ZNF462: variants seen among roughly 807,000 people sequenced by gnomAD.
ZNF462 encodes the protein zinc finger PBX1-interacting protein.
A neutral mutation model predicts 201.9 loss-of-function variants in ZNF462; 10 were observed. That is an observed-to-expected ratio of 0.05 (90% CI 0.03 to 0.08). ZNF462 has a LOEUF of 0.08. Ranked by LOEUF, ZNF462 falls within the 10% of genes least tolerant of loss-of-function variation. ZNF462 has a pLI of 1.00. For synonymous variants in ZNF462, 1,227 were observed against 1,193.3 expected (o/e 1.03, Z -0.58); for missense variants, 2,523 against 3,168.3 (o/e 0.80, Z 4.89).
At chr9:106,934,708 A>G (rs1423227974) in intron 5 of ZNF462, among the ~76,000 whole-genome samples, 1 of 152,190 alleles carries the variant, frequency 6.6e-6, no homozygotes, top group South Asian at 2.1e-4. Flanking sequence ...AGGCATTTAG[A>G]AGGGAATTTA....
At chr9:106,944,234 G>T (rs1295919101) in intron 7 of ZNF462, among the ~76,000 whole-genome samples, 2 of 152,102 alleles carry the variant, frequency 1.3e-5, no homozygotes. Flanking sequence ...TACAGTGTTT[G>T]GTTGCAGTTA....
Position 106,890,776 on chromosome 9 carries a change from G to C in ZNF462, c.-31+27421G>C, listed in dbSNP as rs1238130893. 6.6e-6 allele frequency among the ~76,000 whole-genome samples: 1 copy of C among 152,170 alleles called. No homozygotes were observed. Among genetic ancestry groups the C allele is most frequent in the African/African-American group, 2.4e-5 (1 of 41,432 alleles). The stretch of plus-strand genomic sequence containing the variant: ...ACATGAAACAATATTGCATCGTAGG[G>C]AGTGCATAGTAGACTATGTTGTTCA... On this transcript the variant is annotated intron_variant, in intron 1 of 12. Coordinates refer to ENST00000277225, the MANE Select transcript of ZNF462 (RefSeq NM_021224.6). This position sits in a 1 kb window ranked among gnomAD's most constrained non-coding sequence, Gnocchi z 4.2.
At chr9:106,934,022 G>C (rs1830527414) in intron 5 of ZNF462, among the ~76,000 whole-genome samples, 2 of 151,996 alleles carry the variant, frequency 1.3e-5, no homozygotes. Context: ...TTAAATTGCT[G>C]GTAAAAGGAA....
intron 1 of ZNF462, among the ~76,000 whole-genome samples, chr9:106,893,132 A>C (rs916467969): frequency 6.6e-6 from 1 of 152,222 alleles, no homozygotes; most frequent in Non-Finnish European, 1.5e-5. Context: ...TTCAGTATAC[A>C]TTATATAAAT....
At chr9:106,997,156 A>G (rs1264895084) in intron 10 of ZNF462, among the ~76,000 whole-genome samples, 2 of 152,080 alleles carry the variant, frequency 1.3e-5, no homozygotes, top group Admixed American at 1.3e-4. Context: ...GAAATTGTAC[A>G]TATGTAAGGT....
Position 106,925,065 on chromosome 9 carries a change from G to T in ZNF462, c.1153G>T (p.Asp385Tyr). 1 of 1,614,190 alleles carries T rather than the reference G, an allele frequency of 6.2e-7. No individual in the cohort carries two copies. The highest frequency in any genetic ancestry group is 1.1e-5 in the South Asian group (1 of 91,072). Reference sequence around the variant, plus strand: ...CCTGGAAACTAACAGCATGCTAAATGACTCTAGTTCTGATGAAGAGTTAAA... The same window carrying T: ...CCTGGAAACTAACAGCATGCTAAATTACTCTAGTTCTGATGAAGAGTTAAA... Reference protein sequence around the residue: ...ADLETNSMLNDSSSDEELNEI... With the variant: ...ADLETNSMLNYSSSDEELNEI... The change falls in exon 3 of 13, where the codon GAC (aspartate) becomes TAC (tyrosine). Residue 385 changes from aspartate (D) to tyrosine (Y), a missense_variant. Physicochemically the swap from Asp to Tyr is radical, Grantham distance 160 (BLOSUM62 -3). Coordinates refer to ENST00000277225, the MANE Select transcript of ZNF462 (RefSeq NM_021224.6). The surrounding 1 kb of genome is among the most constrained non-coding windows in gnomAD (Gnocchi z 7.9).
chr9:106,928,834 A>C lies in ZNF462; in HGVS notation c.4922A>C (p.Glu1641Ala), dbSNP rs754392954. Residue 1641 changes from glutamate (E) to alanine (A), a missense_variant, in exon 3 of 13, where the codon GAG (glutamate) becomes GCG (alanine). This residue lies in a region of ZNF462 where 200 missense variants were observed against 281.3 expected (regional missense o/e 0.71). Transcript: ENST00000277225. The surrounding 1 kb of genome is among the most constrained non-coding windows in gnomAD (Gnocchi z 9.3). ...TCCATCACTGAGGAGGAGGTGGGAG[A>C]GGAGCCCGTGTCCACTTCTCACTTC... ...QVSITEEEVG[E>A]EPVSTSHFST... 2.2e-5 allele frequency: 35 copies of C among 1,613,828 alleles called. No homozygotes were observed. The Middle Eastern group carries it at 4.9e-4, about 23-fold the overall frequency.
intron 1 of ZNF462, among the ~76,000 whole-genome samples, chr9:106,912,516 A>C (rs959962889): frequency 2.0e-5 from 3 of 152,198 alleles, no homozygotes; most frequent in African/African-American, 7.2e-5. Flanking sequence ...ATTACTGAGA[A>C]TATACGGGGC....
chr9:106,924,308 A>C lies in ZNF462; in HGVS notation c.396A>C (p.Gly132=). Residue 132 remains glycine (G), a synonymous_variant, in exon 3 of 13, where the codon GGA becomes GGC. Coordinates refer to ENST00000277225, the MANE Select transcript of ZNF462 (RefSeq NM_021224.6). The surrounding 1 kb of genome is among the most constrained non-coding windows in gnomAD (Gnocchi z 6.2). ...TAGAACACACTAGAAAGGTCCATGG[A>C]GCTCAAGCTGAAGGGAGTTCATCAG... ...LLIEHTRKVH[G]AQAEGSSSGP... 1 of 1,614,160 alleles carries C rather than the reference A, an allele frequency of 6.2e-7. No homozygotes were observed. The highest frequency in any genetic ancestry group is 8.5e-7 in the Non-Finnish European group (1 of 1,180,032).
chr9:106,920,078 G>T lies in ZNF462; in HGVS notation c.-30-3276G>T, dbSNP rs1397713677. 6.6e-6 allele frequency among the ~76,000 whole-genome samples: 1 copy of T among 151,856 alleles called. No homozygotes were observed. Among genetic ancestry groups the T allele is most frequent in the African/African-American group, 2.4e-5 (1 of 41,332 alleles). ...TAATTTTATAGCAGATCAGTGACTA[G>T]GTTAGCCTCTTAGGGTTGCTGCTCT... is the stretch of plus-strand genomic sequence containing the variant. On this transcript the variant is annotated intron_variant, in intron 1 of 12. Transcript: ENST00000277225. This position sits in a 1 kb window ranked among gnomAD's most constrained non-coding sequence, Gnocchi z 4.3.
At chr9:106,983,861 G>A (rs1180811665) in intron 9 of ZNF462, among the ~76,000 whole-genome samples, 1 of 152,154 alleles carries the variant, frequency 6.6e-6, no homozygotes, top group Non-Finnish European at 1.5e-5. Flanking sequence ...GGTAAAAATT[G>A]CAGCTACTTC....
In ZNF462 at chr9:107,009,659, G is replaced by A; in HGVS notation, c.7304G>A (p.Arg2435Lys). 1.3e-6 allele frequency: 2 copies of A among 1,552,780 alleles called. No homozygotes were observed. The highest frequency in any genetic ancestry group is 1.7e-6 in the Non-Finnish European group (2 of 1,144,704). ...TCTGAGTGGGAAAGACATGTGCTGA[G>A]ACACGGCATGTAAGTTGGGCCACTT... is the stretch of plus-strand genomic sequence containing the variant. ...QGSEWERHVL[R>K]HGMALNDTKQ... is the part of the protein sequence containing the mutation. The change falls in exon 12 of 13, where the codon AGA becomes AAA. Residue 2435 changes from arginine to lysine, a missense_variant. Around this residue, in one of 15 missense-constraint regions of ZNF462, gnomAD observed 228 missense variants for 361.2 expected, o/e 0.63. Coordinates refer to ENST00000277225, the MANE Select transcript of ZNF462 (RefSeq NM_021224.6). This position sits in a 1 kb window ranked among gnomAD's most constrained non-coding sequence, Gnocchi z 6.1.
intron 10 of ZNF462, among the ~76,000 whole-genome samples, chr9:106,991,751 A>G (rs1828285272): frequency 6.6e-6 from 1 of 151,698 alleles, no homozygotes; most frequent in Non-Finnish European, 1.5e-5. Flanking sequence ...TTAAGGTAAT[A>G]GGGAAAGGAT....
intron 1 of ZNF462, among the ~76,000 whole-genome samples, chr9:106,908,920 T>TATATAC (rs1174422048): frequency 1.2e-4 from 3 of 25,714 alleles, no homozygotes; most frequent in Non-Finnish European, 2.2e-4. Flanking sequence ...CATATATATA[T>TATATAC]ATATATATAT....
chr9:106,932,486 T>C lies in ZNF462; in HGVS notation c.6053T>C (p.Met2018Thr), dbSNP rs747066564. 2 of 1,614,240 alleles carry C rather than the reference T, an allele frequency of 1.2e-6. No individual in the cohort carries two copies. The highest frequency in any genetic ancestry group is 2.2e-5 in the East Asian group (1 of 44,882). Residue 2018 changes from methionine (M) to threonine (T), a missense_variant, in exon 5 of 13, where the codon ATG becomes ACG. By Grantham distance (81) the Met-to-Thr change is moderately conservative. Transcript: ENST00000277225. This position sits in a 1 kb window ranked among gnomAD's most constrained non-coding sequence, Gnocchi z 6.8. ...GAGAGGAGCCACCTGGCCCTGGCCATGTTTACCCGCGAGGACAAGTACAGC... is the reference window on the plus strand; with the variant it reads ...GAGAGGAGCCACCTGGCCCTGGCCACGTTTACCCGCGAGGACAAGTACAGC... ...SHERSHLALA[M>T]FTREDKYSCQ...
chr9:106,912,439 G>T (rs746536350), intron 1 of ZNF462, among the ~76,000 whole-genome samples: 2 of 152,160 alleles, frequency 1.3e-5, no homozygotes, highest in Non-Finnish European at 1.5e-5. Context: ...TTACTCTCCT[G>T]GGTGTGGATT....
At chr9:106,951,315 G>A (rs1484769383) in intron 7 of ZNF462, among the ~76,000 whole-genome samples, 1 of 152,124 alleles carries the variant, frequency 6.6e-6, no homozygotes, top group Admixed American at 6.5e-5. Context: ...AGAGAACGTT[G>A]AGTAAATAGA....
In ZNF462 at chr9:106,919,566, T is replaced by C. The variant is rs1829907159; in HGVS notation, c.-30-3788T>C. On this transcript the variant is annotated intron_variant, in intron 1 of 12. Transcript: ENST00000277225. The surrounding 1 kb of genome is among the most constrained non-coding windows in gnomAD (Gnocchi z 4.5). Reference sequence around the variant, plus strand: ...TGTTCTTTATATCTTAAAGAGTTTGTCAAACATAAACAATTGGATTGTGGG... The same window carrying C: ...TGTTCTTTATATCTTAAAGAGTTTGCCAAACATAAACAATTGGATTGTGGG... Among the ~76,000 whole-genome samples the C allele has an allele frequency of 6.6e-6, 1 of 152,242 alleles. No homozygotes were observed. Among genetic ancestry groups the C allele is most frequent in the South Asian group, 2.1e-4 (1 of 4,834 alleles).
chr9:106,926,355 A>G lies in ZNF462; in HGVS notation c.2443A>G (p.Thr815Ala). Residue 815 changes from threonine (T) to alanine (A), a missense_variant, in exon 3 of 13, where the codon ACT (threonine) becomes GCT (alanine). Transcript: ENST00000277225. The surrounding 1 kb of genome is among the most constrained non-coding windows in gnomAD (Gnocchi z 7.9). Reference sequence around the variant, plus strand: ...CTTGAAAGATCACCAAGTTTCCAATACTGCTCTGCTGAATACCCAAACTCC... The same window carrying G: ...CTTGAAAGATCACCAAGTTTCCAATGCTGCTCTGCTGAATACCCAAACTCC... ...TNLKDHQVSN[T>A]ALLNTQTPIY... is the part of the protein sequence containing the mutation. 1 of 1,614,150 alleles carries G rather than the reference A, an allele frequency of 6.2e-7. No homozygotes were observed. Among genetic ancestry groups the G allele is most frequent in the Non-Finnish European group, 8.5e-7 (1 of 1,180,034 alleles).
Sources: allele counts gnomAD v4.1 joint callset (sites outside exome capture counted in the v4.1 genomes callset), GRCh38; gene constraint gnomAD v4.1.1; regional missense constraint gnomAD v4.1.1; non-coding constraint Gnocchi (gnomAD v3.1); transcripts MANE v1.5; gene names NCBI Gene and HGNC (gene_info 2026-07-23, HGNC 2026-07-21).